HFM1: variants seen among roughly 807,000 people sequenced by gnomAD.
HFM1 encodes probable ATP-dependent DNA helicase HFM1.
A neutral mutation model predicts 192.1 loss-of-function variants in HFM1; 169 were observed. That is an observed-to-expected ratio of 0.88 (90% CI 0.78 to 1.00). The LOEUF is 1.00. Among genes scored for constraint, HFM1 ranks in the 50% least tolerant of loss-of-function variants. The probability of loss-of-function intolerance (pLI) is 0.00; values close to 1 mark genes in which losing one functional copy is unlikely to be tolerated. For missense variants in HFM1, 1,661 were observed against 1,668.0 expected (o/e 1.00, Z 0.07); for synonymous variants, 525 against 537.8 (o/e 0.98, Z 0.33).
In HFM1 at chr1:91,274,695, A is replaced by G. The variant is rs368076352; in HGVS notation, c.3668+35T>C. ...CCTGCAGGAACAGAGTTTACGATAA[A>G]TATTTTACCTTAGATATTAACATTA... On this transcript the variant is annotated intron_variant, in intron 33 of 38. Coordinates refer to ENST00000370425, the MANE Select transcript of HFM1 (RefSeq NM_001017975.6). 1,298 of 1,072,344 alleles carry G rather than the reference A, an allele frequency of 1.2e-3. 16 individuals carry two copies. In the South Asian group the frequency reaches 0.013, roughly 11 times the overall value. 66.4% of individuals were successfully genotyped at this position (1,072,344 alleles called of 1,614,324 possible).
chr1:91,376,720 A>C (rs1263741474), intron 11 of HFM1, among the ~76,000 whole-genome samples: 1 of 151,938 alleles, frequency 6.6e-6, no homozygotes, highest in Non-Finnish European at 1.5e-5. Flanking sequence ...TAAATGAGAT[A>C]CTACACTCAA....
chr1:91,329,354 G>A (rs917994509), intron 20 of HFM1: 90 of 1,600,816 alleles, frequency 5.6e-5, no homozygotes, highest in Non-Finnish European at 1.5e-5. Flanking sequence ...GTGGGGTCAA[G>A]AGGCTGAGTA....
At chr1:91,343,832 C>A (rs1384811884) in intron 19 of HFM1, among the ~76,000 whole-genome samples, 1 of 152,120 alleles carries the variant, frequency 6.6e-6, no homozygotes, top group South Asian at 2.1e-4. Context: ...AAGGTAGACA[C>A]CGATATTTTC....
intron 30 of HFM1, among the ~76,000 whole-genome samples, chr1:91,300,369 G>C (rs1648526901): frequency 6.6e-6 from 1 of 151,382 alleles, no homozygotes; most frequent in African/African-American, 2.4e-5. Context: ...GGAGGAGCTG[G>C]TACCATTCCT....
At chr1:91,357,476 A>G (rs1657901960) in intron 13 of HFM1, among the ~76,000 whole-genome samples, 1 of 152,250 alleles carries the variant, frequency 6.6e-6, no homozygotes, top group Admixed American at 6.5e-5. Context: ...AAGGCCATTT[A>G]TGAAAAGCCC....
At chr1:91,358,008 G>A (rs1657975234) in intron 13 of HFM1, among the ~76,000 whole-genome samples, 2 of 152,130 alleles carry the variant, frequency 1.3e-5, no homozygotes. Flanking sequence ...TTGTTAAAAT[G>A]TCCATACTAC....
Position 91,313,466 on chromosome 1 carries a change from CTG to C in HFM1, c.3272_3273del (p.Thr1091SerfsTer20). 6.3e-7 allele frequency: 1 copy of C among 1,590,378 alleles called. No individual in the cohort carries two copies. On this transcript the variant is annotated frameshift_variant, in exon 30 of 39. Coordinates refer to ENST00000370425, the MANE Select transcript of HFM1 (RefSeq NM_001017975.6). LOFTEE classifies it high-confidence loss of function. ...AACCTCTTGGGTTCTAAGTAAAAGA[CTG>C]TAAGTTTCTGCTGAATATCAAGCCC... ...FVGLDIQQKL[T>X]VFYLEPKRFG...
intron 30 of HFM1, among the ~76,000 whole-genome samples, chr1:91,303,750 T>C (rs1167485234): frequency 6.6e-6 from 1 of 152,278 alleles, no homozygotes; most frequent in African/African-American, 2.4e-5. Context: ...TTTGCATTTC[T>C]GCATTGACTA....
At chr1:91,364,632 A>ATTTTTTTT (rs61550398) in intron 13 of HFM1, among the ~76,000 whole-genome samples, 27 of 66,784 alleles carry the variant, frequency 4.0e-4, no homozygotes, top group South Asian at 1.3e-3. Context: ...ATATATATAT[A>ATTTTTTTT]TTTTTTTTTT....
rs542529703 is a variant in HFM1, at chr1:91,298,934, A to G, written c.3391+14415T>C. 1.3e-4 allele frequency among the ~76,000 whole-genome samples: 20 copies of G among 152,314 alleles called. No individual in the cohort carries two copies. In the South Asian group the frequency reaches 4.1e-3, roughly 32 times the overall value. Reference sequence around the variant, plus strand: ...TAATGACAGGATCAAATTCACACATAACAATATTAACCTTAACTGTAAATG... The same window carrying G: ...TAATGACAGGATCAAATTCACACATGACAATATTAACCTTAACTGTAAATG... On this transcript the variant is annotated intron_variant, in intron 30 of 38. Transcript: ENST00000370425.
chr1:91,343,229 T>TAAAA (rs1655616417), intron 20 of HFM1, among the ~76,000 whole-genome samples: 11 of 2,580 alleles, frequency 4.3e-3, no homozygotes, highest in African/African-American at 0.018. Context: ...AGACTCTGTC[T>TAAAA]CAAAAAAAAA....
intron 37 of HFM1, 43 bp downstream of exon 37, chr1:91,262,438 C>A (rs182338923): frequency 1.3e-6 from 2 of 1,570,894 alleles, no homozygotes; most frequent in Admixed American, 1.8e-5. Context: ...TTTAAGCACT[C>A]GGGCAAAATT....
At chr1:91,284,339 T>G (rs1212865483) in intron 30 of HFM1, among the ~76,000 whole-genome samples, 1 of 152,022 alleles carries the variant, frequency 6.6e-6, no homozygotes, top group Non-Finnish European at 1.5e-5. Context: ...CGCCCAAGGC[T>G]CAAGTGATTC....
intron 32 of HFM1, among the ~76,000 whole-genome samples, chr1:91,276,269 T>C (rs1462403932): frequency 6.6e-6 from 1 of 152,170 alleles, no homozygotes; most frequent in Non-Finnish European, 1.5e-5. Flanking sequence ...CTTAACTGTG[T>C]TGTACTTCTG....
At position 91,360,906 on chromosome 1, in the gene HFM1, C is replaced by T. The variant is rs545636674; in HGVS notation, c.1686-7607G>A. Among the ~76,000 whole-genome samples the T allele has an allele frequency of 3.9e-5, 6 of 152,274 alleles. No individual in the cohort carries two copies. In the East Asian group the frequency reaches 7.7e-4, roughly 20 times the overall value. ...ATTAAGAAATACACTCAAAACCACA[C>T]AACTACATGAAAACTGAACAACCTG... On this transcript the variant is annotated intron_variant, in intron 13 of 38. Transcript: ENST00000370425.
At chr1:91,389,167 G>GGCTCTGTCACCCAGGCTGGAGTCTC in intron 4 of HFM1, among the ~76,000 whole-genome samples, 1 of 126,352 alleles carries the variant, frequency 7.9e-6, no homozygotes, top group African/African-American at 3.0e-5. Context: ...GATTGAGTCT[G>GGCTCTGTCACCCAGGCTGGAGTCTC]GCTCTGTCAC....
At chr1:91,368,154 C>A (rs1313545836) in intron 13 of HFM1, among the ~76,000 whole-genome samples, 1 of 152,172 alleles carries the variant, frequency 6.6e-6, no homozygotes, top group Non-Finnish European at 1.5e-5. Flanking sequence ...GAGAATGGAA[C>A]CAAGTTGGAA....
At chr1:91,396,181 A>G (rs934157393) in intron 3 of HFM1, 112 bp downstream of exon 3, 3 of 492,254 alleles carry the variant, frequency 6.1e-6, no homozygotes, top group African/African-American at 5.9e-5. Flanking sequence ...GGGCATATGC[A>G]TTATTTTGAT....
chr1:91,294,667 A>C (rs926606466), intron 30 of HFM1, among the ~76,000 whole-genome samples: 1 of 152,234 alleles, frequency 6.6e-6, no homozygotes, highest in Admixed American at 6.5e-5. Context: ...AACATTTACT[A>C]TCTGGCCTTT....
Sources: allele counts gnomAD v4.1 joint callset (sites outside exome capture counted in the v4.1 genomes callset), GRCh38; gene constraint gnomAD v4.1.1; transcripts MANE v1.5; gene names NCBI Gene and HGNC (gene_info 2026-07-23, HGNC 2026-07-21).